AMER1: variants seen among roughly 807,000 people sequenced by gnomAD.
AMER1 encodes the protein APC membrane recruitment protein 1, also known as RP11-403E24.2.
AMER1 carries 16 observed loss-of-function variants against 53.0 expected under a neutral mutation model. That is an observed-to-expected ratio of 0.30 (90% CI 0.20 to 0.46). The LOEUF (loss-of-function observed/expected upper bound fraction) is 0.46. Among genes scored for constraint, AMER1 ranks in the 20% least tolerant of loss-of-function variants. The pLI, the probability that AMER1 is intolerant of heterozygous loss-of-function variation, is 1.00. For missense variants in AMER1, 947 were observed against 884.9 expected (o/e 1.07, Z -0.89); for synonymous variants, 354 against 331.9 (o/e 1.07, Z -0.73).
At chrX:64,200,530 C>A (rs868127519) in intron 1 of AMER1, among the ~76,000 whole-genome samples, 2 of 112,121 alleles carry the variant, frequency 1.8e-5, no homozygotes, top group Admixed American at 9.4e-5. Flanking sequence ...CAAATCCTTT[C>A]CCTGTTCTGG....
rs1930122004 is a variant in AMER1 at position 64,186,864 on chromosome X, C to T, written c.*3015G>A. ...CCTTCTCTATCCACATTCACTGGTCCTCCAAGGACCAGTCTCATCTGGGAA... is the reference window on the plus strand; with the variant it reads ...CCTTCTCTATCCACATTCACTGGTCTTCCAAGGACCAGTCTCATCTGGGAA... On this transcript the variant is annotated 3_prime_UTR_variant, in exon 2 of 2. Transcript: ENST00000374869. The T allele has an allele frequency of 1.3e-5, 10 of 773,069 alleles. No individual in the cohort carries two copies. The highest frequency in any genetic ancestry group is 9.4e-5 in the East Asian group (1 of 10,635). 63.7% of individuals were successfully genotyped at this position (773,069 alleles called of 1,213,427 possible).
Position 64,190,354 on chromosome X carries a change from T to C in AMER1, c.2933A>G (p.Asn978Ser), listed in dbSNP as rs1412030993. 6 of 1,211,461 alleles carry C rather than the reference T, an allele frequency of 5.0e-6. No individual in the cohort carries two copies. In the Admixed American group the frequency reaches 6.5e-5, roughly 13 times the overall value. The change falls in exon 2 of 2, where the codon AAC becomes AGC. Residue 978 changes from asparagine to serine, a missense_variant. By Grantham distance (46) the Asn-to-Ser change is conservative. Transcript: ENST00000374869. ...VGPGPAWISP[N>S]QLDRPSSQSP... is the part of the protein sequence containing the mutation. Reference sequence around the variant, plus strand: ...CTGGCTGGAAGGCCTGTCCAACTGGTTGGGGCTTATCCAGGCAGGACCTGG... The same window carrying C: ...CTGGCTGGAAGGCCTGTCCAACTGGCTGGGGCTTATCCAGGCAGGACCTGG...
At chrX:64,202,617 TC>T (rs1930512041) in intron 1 of AMER1, among the ~76,000 whole-genome samples, 1 of 111,221 alleles carries the variant, frequency 9.0e-6, no homozygotes, top group Admixed American at 9.5e-5. Context: ...ACTTCCCACC[TC>T]TTCCTGCCCT....
Position 64,189,510 on chromosome X carries a change from G to GTGTA in AMER1, c.*368_*369insTACA, listed in dbSNP as rs1293956984. The GTGTA allele has an allele frequency of 9.3e-6, 1 of 107,399 alleles. No individual in the cohort carries two copies. The highest frequency in any genetic ancestry group is 1.4e-4 in the African/African-American group (1 of 7,370). 8.9% of individuals were successfully genotyped at this position (107,399 alleles called of 1,213,427 possible). A position where few individuals can be genotyped will look rare whatever the true frequency, so the allele number is the denominator to read the frequency against. On this transcript the variant is annotated 3_prime_UTR_variant, in exon 2 of 2. Transcript: ENST00000374869. ...TGTGTGTGTGTGTGTGTGTGTGTGT[G>GTGTA]TGTGTATATATATATATATATATAT...
intron 1 of AMER1, among the ~76,000 whole-genome samples, chrX:64,194,779 A>G (rs1014422973): frequency 1.8e-5 from 2 of 111,783 alleles, no homozygotes; most frequent in Admixed American, 1.9e-4. Context: ...CTAAAGTGGA[A>G]GACTGTGGAC....
rs748976979 is a variant in AMER1, at chrX:64,187,158, T to C, written c.*2721A>G. 4 of 786,372 alleles carry C rather than the reference T, an allele frequency of 5.1e-6. No individual in the cohort carries two copies. The South Asian group carries it at 2.0e-4, about 39-fold the overall frequency. 64.8% of individuals were successfully genotyped at this position (786,372 alleles called of 1,213,427 possible). ...CCTGAAGCTTGGCTGGCTCTCCCAATGTCACCCTGTGCTGTCAACACCATG... is the reference window on the plus strand; with the variant it reads ...CCTGAAGCTTGGCTGGCTCTCCCAACGTCACCCTGTGCTGTCAACACCATG... On this transcript the variant is annotated 3_prime_UTR_variant, in exon 2 of 2. Coordinates refer to ENST00000374869, the MANE Select transcript of AMER1 (RefSeq NM_152424.4).
chrX:64,197,875 A>C (rs1930407817), intron 1 of AMER1, among the ~76,000 whole-genome samples: 1 of 112,993 alleles, frequency 8.9e-6, no homozygotes, highest in Admixed American at 9.3e-5. Flanking sequence ...GGCTATTGTA[A>C]GAAGTAAAAC....
chrX:64,205,479 T>C (rs1930581562), intron 1 of AMER1, 91 bp downstream of exon 1: 1 of 112,650 alleles, frequency 8.9e-6, no homozygotes, highest in Non-Finnish European at 1.9e-5. Flanking sequence ...GCCTAGTCCT[T>C]AGTGCCCTCC....
Position 64,188,012 on chromosome X carries a change from C to T in AMER1, c.*1867G>A, listed in dbSNP as rs1016996484. Reference sequence around the variant, plus strand: ...GTGCAGCTTCTACCAGCCAGGTCTGCTATTTGTGAGTAAGGGCACTGGGCC... The same window carrying T: ...GTGCAGCTTCTACCAGCCAGGTCTGTTATTTGTGAGTAAGGGCACTGGGCC... On this transcript the variant is annotated 3_prime_UTR_variant, in exon 2 of 2. Coordinates refer to ENST00000374869, the MANE Select transcript of AMER1 (RefSeq NM_152424.4). 3 of 781,910 alleles carry T rather than the reference C, an allele frequency of 3.8e-6. No individual in the cohort carries two copies. The highest frequency in any genetic ancestry group is 4.6e-6 in the Non-Finnish European group (3 of 655,704). The allele number at this position is 781,910 out of a possible 1,213,427, so 64.4% of individuals were successfully genotyped here.
intron 1 of AMER1, among the ~76,000 whole-genome samples, chrX:64,196,486 T>C (rs1384697338): frequency 8.9e-6 from 1 of 112,214 alleles, no homozygotes; most frequent in Admixed American, 9.4e-5. Flanking sequence ...CCCAGTTTCT[T>C]AGGAAGCAAC....
chrX:64,197,144 CA>C (rs1930389244), intron 1 of AMER1, among the ~76,000 whole-genome samples: 1 of 112,766 alleles, frequency 8.9e-6, no homozygotes, highest in Non-Finnish European at 1.9e-5. Flanking sequence ...AAGAAAGTGG[CA>C]CTGCCAAATG....
At chrX:64,201,470 C>T (rs1041664390) in intron 1 of AMER1, among the ~76,000 whole-genome samples, 1 of 109,382 alleles carries the variant, frequency 9.1e-6, no homozygotes, top group African/African-American at 3.4e-5. Context: ...CACACACACA[C>T]ACACACACAC....
Position 64,190,195 on chromosome X carries a change from C to T in AMER1, c.3092G>A (p.Gly1031Asp), listed in dbSNP as rs201899164. ...ARPSHLHLPM[G>D]PCYNLQPQAS... ...CTGTGGCTGGAGGTTATAGCAAGGG[C>T]CCATGGGCAGGTGTAGGTGTGAGGG... The change falls in exon 2 of 2, where the codon GGC becomes GAC. Residue 1031 changes from glycine (G) to aspartate (D), a missense_variant. Coordinates refer to ENST00000374869, the MANE Select transcript of AMER1 (RefSeq NM_152424.4). 1.8e-4 allele frequency: 217 copies of T among 1,208,770 alleles called. No individual in the cohort carries two copies. Among genetic ancestry groups the T allele is most frequent in the Non-Finnish European group, 2.2e-4 (200 of 894,247 alleles).
At chrX:64,201,526 C>A (rs1353887230) in intron 1 of AMER1, among the ~76,000 whole-genome samples, 1 of 108,355 alleles carries the variant, frequency 9.2e-6, no homozygotes, top group Non-Finnish European at 1.9e-5. Context: ...TCAGATTATC[C>A]CTGAGAAAGA....
Position 64,189,821 on chromosome X carries a change from C to T in AMER1, c.*58G>A, listed in dbSNP as rs1930200901. 1.9e-6 allele frequency: 2 copies of T among 1,040,427 alleles called. No individual in the cohort carries two copies. Among genetic ancestry groups the T allele is most frequent in the South Asian group, 4.4e-5 (2 of 45,427 alleles). The allele number at this position is 1,040,427 out of a possible 1,213,427, so 85.7% of individuals were successfully genotyped here. On this transcript the variant is annotated 3_prime_UTR_variant, in exon 2 of 2. Coordinates refer to ENST00000374869, the MANE Select transcript of AMER1 (RefSeq NM_152424.4). ...CCCACCCCCCCACCCTTCTGCCCAACCCCTGATCCCCATTCACATGCTCAG... is the reference window on the plus strand; with the variant it reads ...CCCACCCCCCCACCCTTCTGCCCAATCCCTGATCCCCATTCACATGCTCAG...
chrX:64,196,694 G>T (rs1490580884), intron 1 of AMER1, among the ~76,000 whole-genome samples: 2 of 111,807 alleles, frequency 1.8e-5, no homozygotes, highest in Non-Finnish European at 3.8e-5. Flanking sequence ...AATTACGCAG[G>T]GTGTCCCTGG....
rs1163629744 is a variant in AMER1, at chrX:64,187,791, T to G, written c.*2088A>C. ...CAGCTTTGGTAAGAGGCCAGAAAGT[T>G]GGAATTTGGGCACTTCTCTCTTGGA... On this transcript the variant is annotated 3_prime_UTR_variant, in exon 2 of 2. Coordinates refer to ENST00000374869, the MANE Select transcript of AMER1 (RefSeq NM_152424.4). 2 of 775,217 alleles carry G rather than the reference T, an allele frequency of 2.6e-6. No homozygotes were observed. The highest frequency in any genetic ancestry group is 8.4e-5 in the Admixed American group (1 of 11,969). The allele number at this position is 775,217 out of a possible 1,213,427, so 63.9% of individuals were successfully genotyped here. A position where few individuals can be genotyped will look rare whatever the true frequency, so the allele number is the denominator to read the frequency against.
intron 1 of AMER1, among the ~76,000 whole-genome samples, chrX:64,203,722 T>C (rs1288800751): frequency 9.0e-6 from 1 of 111,050 alleles, no homozygotes; most frequent in Non-Finnish European, 1.9e-5. Context: ...TGGACAGGTG[T>C]AGGCTGAGTG....
At chrX:64,200,665 G>A (rs749016180) in intron 1 of AMER1, among the ~76,000 whole-genome samples, 75 of 111,321 alleles carry the variant, frequency 6.7e-4, no homozygotes, top group Admixed American at 1.9e-4. Context: ...GAGTCAGAAG[G>A]CATAGCAGGG....
Sources: allele counts gnomAD v4.1 joint callset (sites outside exome capture counted in the v4.1 genomes callset), GRCh38; gene constraint gnomAD v4.1.1; transcripts MANE v1.5; gene names NCBI Gene and HGNC (gene_info 2026-07-23, HGNC 2026-07-21).